MGAT4C: variants seen among roughly 807,000 people sequenced by gnomAD.
The protein encoded by MGAT4C is MGAT4 family member C.
MGAT4C carries 19 observed loss-of-function variants against 40.1 expected under a neutral mutation model. The observed-to-expected ratio is 0.47, with a 90% CI of 0.33 to 0.70. The LOEUF (loss-of-function observed/expected upper bound fraction) is 0.70, where lower values mean the gene tolerates loss of function less well. Among genes scored for constraint, MGAT4C ranks in the 30% least tolerant of loss-of-function variants. The pLI is 0.02. For missense variants in MGAT4C, 491 were observed against 563.2 expected (o/e 0.87, Z 1.30); for synonymous variants, 181 against 187.1 (o/e 0.97, Z 0.27).
At chr12:86,314,329 G>A (rs1288026669) in intron 4 of MGAT4C, among the ~76,000 whole-genome samples, 1 of 152,146 alleles carries the variant, frequency 6.6e-6, no homozygotes, top group Non-Finnish European at 1.5e-5. Flanking sequence ...GGCCCAGGTG[G>A]GCAGATCACG....
intron 1 of MGAT4C, among the ~76,000 whole-genome samples, chr12:86,802,646 A>C (rs1345288273): frequency 6.6e-6 from 1 of 151,368 alleles, no homozygotes; most frequent in Non-Finnish European, 1.5e-5. Context: ...CCAAATCATG[A>C]GTGAACTCCC....
intron 2 of MGAT4C, among the ~76,000 whole-genome samples, chr12:86,554,868 C>T (rs1959534405): frequency 6.6e-6 from 1 of 152,042 alleles, no homozygotes; most frequent in African/African-American, 2.4e-5. Context: ...TCTAGGTTTC[C>T]ACAGGGCTGT....
intron 2 of MGAT4C, among the ~76,000 whole-genome samples, chr12:86,656,438 G>T (rs908034164): frequency 1.3e-5 from 2 of 151,986 alleles, no homozygotes; most frequent in African/African-American, 4.8e-5. Context: ...AGACATGGTA[G>T]GCTAACAAGT....
chr12:86,427,710 T>C (rs953422934), intron 3 of MGAT4C, among the ~76,000 whole-genome samples: 1 of 152,172 alleles, frequency 6.6e-6, no homozygotes, highest in Non-Finnish European at 1.5e-5. Context: ...AACATTTTCA[T>C]TCACATGGAA....
intron 2 of MGAT4C, among the ~76,000 whole-genome samples, chr12:86,000,242 A>G (rs1343042796): frequency 6.6e-6 from 1 of 152,152 alleles, no homozygotes; most frequent in Non-Finnish European, 1.5e-5. Context: ...CAAAATAAAA[A>G]TGACAAAAGT....
chr12:86,563,596 A>G (rs1301670520), intron 2 of MGAT4C, among the ~76,000 whole-genome samples: 1 of 152,214 alleles, frequency 6.6e-6, no homozygotes, highest in Non-Finnish European at 1.5e-5. Context: ...CAATTACACT[A>G]CTGAAAAGTT....
At chr12:86,155,743 A>G (rs1262339927) in intron 1 of MGAT4C, among the ~76,000 whole-genome samples, 2 of 152,270 alleles carry the variant, frequency 1.3e-5, no homozygotes, top group Non-Finnish European at 2.9e-5. Context: ...ATGTCTCTAA[A>G]CTTATGTGTG....
chr12:86,251,208 G>T (rs1325529156), intron 1 of MGAT4C, among the ~76,000 whole-genome samples: 2 of 149,834 alleles, frequency 1.3e-5, no homozygotes, highest in African/African-American at 2.5e-5. Flanking sequence ...CGGTAGTCTG[G>T]TCCCAGACTT....
Position 86,284,766 on chromosome 12 carries a change from T to C in MGAT4C, c.-57+49299A>G, listed in dbSNP as rs1953308429. ...GTGGCAATAGTCTGCTAATTAGAGT[T>C]CCATGCAGCCTTCTCCCATGTGCAA... On this transcript the variant is annotated intron_variant, in intron 4 of 7. Coordinates refer to the MGAT4C transcript ENST00000548651. Among the ~76,000 whole-genome samples the C allele has an allele frequency of 4.6e-5, 7 of 152,086 alleles. No individual in the cohort carries two copies. In the South Asian group the frequency reaches 1.4e-3, roughly 31 times the overall value.
At chr12:86,204,225 AT>A (rs1470161482) in intron 1 of MGAT4C, among the ~76,000 whole-genome samples, 2 of 151,696 alleles carry the variant, frequency 1.3e-5, no homozygotes, top group Non-Finnish European at 2.9e-5. Flanking sequence ...CACAAGAAAA[AT>A]TTTTCTTGAT....
Position 86,403,889 on chromosome 12 carries a change from G to A in MGAT4C, c.-120+31268C>T, listed in dbSNP as rs139577043. On this transcript the variant is annotated intron_variant, in intron 3 of 7. Transcript: ENST00000548651. ...AAAATGTATTAAAAACATTAAGTTA[G>A]GCAGGATAGTTTTTGATAATAAAAT... 8.0e-3 allele frequency among the ~76,000 whole-genome samples: 1,218 copies of A among 152,258 alleles called. 8 individuals carry two copies. The highest frequency in any genetic ancestry group is 0.014 in the Middle Eastern group (4 of 294).
intron 3 of MGAT4C, among the ~76,000 whole-genome samples, chr12:86,381,625 CAA>C (rs895947135): frequency 1.3e-5 from 2 of 152,174 alleles, no homozygotes; most frequent in African/African-American, 4.8e-5. Flanking sequence ...GACACACACA[CAA>C]AAATGCTTTA....
chr12:86,439,727 C>T (rs924305174), intron 2 of MGAT4C, among the ~76,000 whole-genome samples: 1 of 151,714 alleles, frequency 6.6e-6, no homozygotes, highest in African/African-American at 2.4e-5. Flanking sequence ...ATTGATAGAC[C>T]ACTAGCCAGA....
chr12:86,809,570 T>G (rs930160011), intron 1 of MGAT4C, among the ~76,000 whole-genome samples: 1 of 151,954 alleles, frequency 6.6e-6, no homozygotes, highest in Non-Finnish European at 1.5e-5. Flanking sequence ...AAAAAAAAAT[T>G]TATTTGCCAT....
At chr12:86,396,866 C>G (rs1245811399) in intron 3 of MGAT4C, among the ~76,000 whole-genome samples, 1 of 151,780 alleles carries the variant, frequency 6.6e-6, no homozygotes, top group Non-Finnish European at 1.5e-5. Context: ...GATTTTCCAA[C>G]AATATCTTTG....
chr12:86,012,676 C>T (rs1050998378), intron 2 of MGAT4C, among the ~76,000 whole-genome samples: 2 of 151,866 alleles, frequency 1.3e-5, no homozygotes, highest in African/African-American at 4.8e-5. Context: ...CGCTTGAACC[C>T]GGGAAGCAGA....
chr12:86,427,556 C>T (rs542700359), intron 3 of MGAT4C, among the ~76,000 whole-genome samples: 18 of 152,100 alleles, frequency 1.2e-4, no homozygotes, highest in South Asian at 8.3e-4. Context: ...GTGCACACAC[C>T]CTCTTATCCA....
At chr12:86,166,515 T>C (rs1021067292) in intron 1 of MGAT4C, among the ~76,000 whole-genome samples, 1 of 152,072 alleles carries the variant, frequency 6.6e-6, no homozygotes, top group African/African-American at 2.4e-5. Context: ...CTACTAAAAT[T>C]ACAAAAATTA....
intron 1 of MGAT4C, among the ~76,000 whole-genome samples, chr12:86,121,938 G>C (rs1299366633): frequency 6.6e-6 from 1 of 152,126 alleles, no homozygotes; most frequent in East Asian, 1.9e-4. Flanking sequence ...TCACAATTGT[G>C]ATCATAACAG....
Sources: allele counts gnomAD v4.1 joint callset (sites outside exome capture counted in the v4.1 genomes callset), GRCh38; gene constraint gnomAD v4.1.1; transcripts MANE v1.5; gene names NCBI Gene and HGNC (gene_info 2026-07-23, HGNC 2026-07-21).